The following SLC9C2 variants were observed in gnomAD, a reference collection of about 807,000 sequenced individuals.
SLC9C2 encodes the protein solute carrier family 9 member C2 (putative), also known as sodium/hydrogen exchanger 11.
SLC9C2 carries 75 observed loss-of-function variants against 140.2 expected under a neutral mutation model. The observed-to-expected ratio is 0.53, with a 90% CI of 0.44 to 0.65. The LOEUF (loss-of-function observed/expected upper bound fraction) is 0.65, where lower values mean the gene tolerates loss of function less well. Among genes scored for constraint, SLC9C2 ranks in the 30% least tolerant of loss-of-function variants. SLC9C2 has a pLI of 0.00. For synonymous variants in SLC9C2, 375 were observed against 420.9 expected (o/e 0.89, Z 1.34); for missense variants, 1,074 against 1,331.8 (o/e 0.81, Z 3.01).
intron 16 of SLC9C2, among the ~76,000 whole-genome samples, chr1:173,534,153 C>A (rs1352667623): frequency 6.6e-6 from 1 of 152,092 alleles, no homozygotes. Context: ...AAAGACCTAG[C>A]AAACCAATTC....
chr1:173,529,733 G>A (rs182042112), intron 18 of SLC9C2, among the ~76,000 whole-genome samples, 172 bp downstream of exon 18: 20 of 151,810 alleles, frequency 1.3e-4, no homozygotes, highest in Admixed American at 9.2e-4. Flanking sequence ...CAGCTGAAAT[G>A]TAATGATCAG....
At chr1:173,523,101 G>A (rs1660942083) in intron 21 of SLC9C2, among the ~76,000 whole-genome samples, 2 of 152,182 alleles carry the variant, frequency 1.3e-5, no homozygotes, top group African/African-American at 4.8e-5. Flanking sequence ...GCCAGGCACA[G>A]TGGCTCACAC....
chr1:173,539,301 G>A (rs1465181181), intron 13 of SLC9C2, among the ~76,000 whole-genome samples: 1 of 152,124 alleles, frequency 6.6e-6, no homozygotes, highest in Admixed American at 6.6e-5. Context: ...TGGAGACAAG[G>A]GGACCAATTG....
chr1:173,536,153 T>C (rs555129200), intron 14 of SLC9C2, among the ~76,000 whole-genome samples: 12 of 152,158 alleles, frequency 7.9e-5, no homozygotes, highest in African/African-American at 2.2e-4. Context: ...GCTGCCTCTG[T>C]TCCTGACCAG....
Position 173,509,669 on chromosome 1 carries a change from C to T in SLC9C2, c.2938G>A (p.Glu980Lys), listed in dbSNP as rs1187320697. The T allele has an allele frequency of 5.0e-6, 8 of 1,594,628 alleles. No individual in the cohort carries two copies. The highest frequency in any genetic ancestry group is 6.0e-6 in the Non-Finnish European group (7 of 1,174,794). Reference sequence around the variant, plus strand: ...GATGGCCAGAAGGCATCAAAGCCTTCATATAAATCCTCCAGGGAGATAAAG... The same window carrying T: ...GATGGCCAGAAGGCATCAAAGCCTTTATATAAATCCTCCAGGGAGATAAAG... ...ACFISLEDLY[E>K]GFDAFWPSLE... The change falls in exon 24 of 28, where the codon GAA (glutamate) becomes AAA (lysine). Residue 980 changes from glutamate to lysine, a missense_variant. Coordinates refer to ENST00000367714, the MANE Select transcript of SLC9C2 (RefSeq NM_178527.4).
intron 9 of SLC9C2, among the ~76,000 whole-genome samples, chr1:173,568,960 A>G (rs1303542238): frequency 1.3e-5 from 2 of 152,110 alleles, no homozygotes; most frequent in African/African-American, 4.8e-5. Flanking sequence ...TCAGATTGAA[A>G]AACTCCCTTT....
At chr1:173,519,315 G>T (rs979013424) in intron 22 of SLC9C2, among the ~76,000 whole-genome samples, 1 of 152,050 alleles carries the variant, frequency 6.6e-6, no homozygotes, top group Non-Finnish European at 1.5e-5. Flanking sequence ...TTCAATAGCC[G>T]TAAAGAATAA....
intron 13 of SLC9C2, among the ~76,000 whole-genome samples, chr1:173,539,257 T>C (rs1339255195): frequency 6.6e-6 from 1 of 152,192 alleles, no homozygotes; most frequent in Non-Finnish European, 1.5e-5. Context: ...CACATGTCTT[T>C]TAGTAAGTCA....
Position 173,521,405 on chromosome 1 carries a change from T to G in SLC9C2, c.2641-6A>C. On this transcript the variant is annotated splice_polypyrimidine_tract_variant and splice_region_variant and intron_variant, in intron 21 of 27. Coordinates refer to ENST00000367714, the MANE Select transcript of SLC9C2 (RefSeq NM_178527.4). ...CAGGCAAGTTTGGCTCTTTCCTGAG[T>G]GGGAAAAAAAAAAACGAAAAGAAAA... The G allele has an allele frequency of 2.1e-6, 3 of 1,437,654 alleles. No homozygotes were observed. Among genetic ancestry groups the G allele is most frequent in the South Asian group, 1.6e-5 (1 of 61,698 alleles). 89.1% of individuals were successfully genotyped at this position (1,437,654 alleles called of 1,614,324 possible).
At chr1:173,547,248 G>A (rs1422273087) in intron 13 of SLC9C2, among the ~76,000 whole-genome samples, 2 of 151,746 alleles carry the variant, frequency 1.3e-5, no homozygotes, top group Admixed American at 1.3e-4. Context: ...TTAAATATTA[G>A]TATTACAACA....
intron 23 of SLC9C2, among the ~76,000 whole-genome samples, chr1:173,515,717 C>T (rs747863966): frequency 3.9e-5 from 6 of 152,254 alleles, no homozygotes; most frequent in African/African-American, 1.4e-4. Flanking sequence ...ACAGGCATTG[C>T]GATCATGTAT....
Position 173,597,383 on chromosome 1 carries a change from A to G in SLC9C2, c.357+521T>C, listed in dbSNP as rs140433359. On this transcript the variant is annotated intron_variant, in intron 4 of 27. Transcript: ENST00000367714. ...TTTAAAACCTTAAATGCACACAGAA[A>G]ACTAAAAAAAGCTAAAAATGAATCA... is the stretch of plus-strand genomic sequence containing the variant. 2.0e-5 allele frequency among the ~76,000 whole-genome samples: 3 copies of G among 152,224 alleles called. No individual in the cohort carries two copies. The East Asian group carries it at 5.8e-4, about 29-fold the overall frequency.
chr1:173,541,356 A>G (rs924954809), intron 13 of SLC9C2, among the ~76,000 whole-genome samples: 2 of 152,202 alleles, frequency 1.3e-5, no homozygotes, highest in African/African-American at 4.8e-5. Context: ...CAGATTCATA[A>G]AGCAAGTCCT....
chr1:173,578,869 C>T (rs1243518806), intron 7 of SLC9C2, among the ~76,000 whole-genome samples: 1 of 152,194 alleles, frequency 6.6e-6, no homozygotes, highest in African/African-American at 2.4e-5. Flanking sequence ...TGCATCTTAA[C>T]TTGGTCATCT....
intron 4 of SLC9C2, among the ~76,000 whole-genome samples, chr1:173,595,182 C>G (rs774775230): frequency 1.7e-4 from 26 of 152,120 alleles, no homozygotes; most frequent in Non-Finnish European, 3.8e-4. Flanking sequence ...CTCAAGTAAT[C>G]CTAAATCCAG....
intron 12 of SLC9C2, 61 bp from the exon 13 acceptor site, chr1:173,547,845 T>A: frequency 7.8e-7 from 1 of 1,282,672 alleles, no homozygotes; most frequent in Non-Finnish European, 1.1e-6. Context: ...TAAGTAAAAA[T>A]GATTAGGAAC....
intron 18 of SLC9C2, among the ~76,000 whole-genome samples, chr1:173,528,858 A>T (rs1661380856): frequency 6.6e-6 from 1 of 152,212 alleles, no homozygotes; most frequent in Non-Finnish European, 1.5e-5. Flanking sequence ...GTATGAAAAT[A>T]TAACCAAAAT....
intron 9 of SLC9C2, among the ~76,000 whole-genome samples, chr1:173,561,033 TG>T (rs1664070023): frequency 6.6e-6 from 1 of 152,176 alleles, no homozygotes; most frequent in South Asian, 2.1e-4. Flanking sequence ...TGACCTCACA[TG>T]ATCCACCTGC....
intron 8 of SLC9C2, among the ~76,000 whole-genome samples, chr1:173,574,641 G>C (rs533286052): frequency 2.9e-4 from 44 of 151,078 alleles, no homozygotes; most frequent in Non-Finnish European, 4.7e-4. Flanking sequence ...CTCCTGAGTA[G>C]CTGGGACTAC....
Sources: gnomAD v4.1 joint callset for allele counts (sites outside exome capture counted in the v4.1 genomes callset) on GRCh38, gnomAD v4.1.1 for gene constraint, MANE v1.5 for transcripts, NCBI Gene and HGNC (gene_info 2026-07-23, HGNC 2026-07-21) for gene names.